Variants in PDE4D observed in about 807,000 individuals in gnomAD.
PDE4D encodes phosphodiesterase 4D.
In PDE4D, 24 loss-of-function variants were observed where a neutral mutation model predicts 87.4. The ratio of observed to expected loss-of-function variants is 0.27; its 90% confidence interval spans 0.20 to 0.39. PDE4D has a LOEUF of 0.39. Ranked by LOEUF, PDE4D falls within the 10% of genes least tolerant of loss-of-function variation. The pLI, the probability that PDE4D is intolerant of heterozygous loss-of-function variation, is 1.00. For missense variants in PDE4D, 714 were observed against 1,041.0 expected (o/e 0.69, Z 4.32); for synonymous variants, 384 against 383.2 (o/e 1.00, Z -0.02).
intron 1 of PDE4D, among the ~76,000 whole-genome samples, chr5:60,422,174 A>G (rs1743175051): frequency 6.6e-6 from 1 of 152,218 alleles, no homozygotes; most frequent in Middle Eastern, 3.2e-3. Flanking sequence ...CCAACATTCA[A>G]ATTCAGGAAA....
intron 2 of PDE4D, chr5:60,127,825 C>T (rs775095391): frequency 1.1e-5 from 5 of 437,820 alleles, no homozygotes; most frequent in East Asian, 3.4e-5. Context: ...TACAAATTGG[C>T]GAGTCCTTAG....
At chr5:59,467,036 G>A (rs1018562164) in intron 1 of PDE4D, among the ~76,000 whole-genome samples, 1 of 152,122 alleles carries the variant, frequency 6.6e-6, no homozygotes. Flanking sequence ...GTTATAAGAG[G>A]AGCTAAGGAC....
intron 5 of PDE4D, among the ~76,000 whole-genome samples, chr5:59,100,023 T>A (rs1238600471): frequency 6.6e-6 from 1 of 152,214 alleles, no homozygotes; most frequent in Non-Finnish European, 1.5e-5. Flanking sequence ...ACCCCTCATA[T>A]GAAAAAGATT....
At chr5:59,385,795 C>T (rs923918350) in intron 1 of PDE4D, among the ~76,000 whole-genome samples, 14 of 152,178 alleles carry the variant, frequency 9.2e-5, no homozygotes, top group African/African-American at 3.1e-4. Flanking sequence ...TCCTACTCTT[C>T]TTCCTGTGGT....
At chr5:59,361,598 AC>A (rs377240918) in intron 1 of PDE4D, among the ~76,000 whole-genome samples, 2 of 152,202 alleles carry the variant, frequency 1.3e-5, no homozygotes, top group African/African-American at 4.8e-5. Context: ...GCCTCCCCAT[AC>A]CAGGTGAGGT....
chr5:60,184,379 T>A (rs1033008595), intron 2 of PDE4D, among the ~76,000 whole-genome samples: 1 of 152,172 alleles, frequency 6.6e-6, no homozygotes, highest in African/African-American at 2.4e-5. Context: ...TGGTAGTTTG[T>A]ATGCAGGTCA....
At chr5:59,709,871 C>T (rs1327763739) in intron 1 of PDE4D, among the ~76,000 whole-genome samples, 1 of 152,158 alleles carries the variant, frequency 6.6e-6, no homozygotes, top group African/African-American at 2.4e-5. Context: ...AATCCCAAGT[C>T]TCCATTACTT....
At chr5:60,422,253 A>G (rs1330026088) in intron 1 of PDE4D, among the ~76,000 whole-genome samples, 4 of 152,202 alleles carry the variant, frequency 2.6e-5, no homozygotes, top group African/African-American at 9.6e-5. Flanking sequence ...CAGATTCACC[A>G]AGGTTGAAAT....
intron 1 of PDE4D, among the ~76,000 whole-genome samples, chr5:59,823,405 G>T (rs1365288644): frequency 1.3e-5 from 2 of 151,918 alleles, no homozygotes; most frequent in Non-Finnish European, 2.9e-5. Flanking sequence ...ATCTCCAACT[G>T]CCTGCAGAAT....
At chr5:60,103,437 C>T (rs1032346277) in intron 2 of PDE4D, among the ~76,000 whole-genome samples, 2 of 152,140 alleles carry the variant, frequency 1.3e-5, no homozygotes, top group East Asian at 1.9e-4. Context: ...AATTCCCATA[C>T]CAGCATTCCA....
chr5:60,378,733 A>G (rs1761621177), intron 1 of PDE4D, among the ~76,000 whole-genome samples: 1 of 152,002 alleles, frequency 6.6e-6, no homozygotes, highest in South Asian at 2.1e-4. Flanking sequence ...CCCATCTGTA[A>G]TCCCAGCTAC....
intron 1 of PDE4D, among the ~76,000 whole-genome samples, chr5:59,494,333 G>A (rs1251010185): frequency 1.3e-5 from 2 of 152,152 alleles, no homozygotes; most frequent in Non-Finnish European, 2.9e-5. Flanking sequence ...ATGGATTGCA[G>A]GTCTCAAAAA....
At chr5:59,707,287 T>C (rs1753565941) in intron 1 of PDE4D, among the ~76,000 whole-genome samples, 1 of 152,148 alleles carries the variant, frequency 6.6e-6, no homozygotes, top group Non-Finnish European at 1.5e-5. Flanking sequence ...AATTCTTTAA[T>C]GCAACAAACA....
chr5:59,741,730 C>T (rs746986255), intron 1 of PDE4D, among the ~76,000 whole-genome samples: 2 of 152,034 alleles, frequency 1.3e-5, no homozygotes, highest in Non-Finnish European at 2.9e-5. Flanking sequence ...CCTGAAATTA[C>T]GTTTTTCTAG....
chr5:60,328,369 T>C (rs1178069482), intron 1 of PDE4D, among the ~76,000 whole-genome samples: 1 of 152,208 alleles, frequency 6.6e-6, no homozygotes, highest in Non-Finnish European at 1.5e-5. Flanking sequence ...CAATATTATC[T>C]GACCAATTTT....
At chr5:59,247,139 T>C (rs943512863) in intron 1 of PDE4D, among the ~76,000 whole-genome samples, 1 of 152,292 alleles carries the variant, frequency 6.6e-6, no homozygotes, top group African/African-American at 2.4e-5. Flanking sequence ...CTAATTGAAA[T>C]AAATGCCTCT....
At chr5:59,601,003 C>A (rs1827426408) in intron 1 of PDE4D, among the ~76,000 whole-genome samples, 1 of 152,050 alleles carries the variant, frequency 6.6e-6, no homozygotes, top group Non-Finnish European at 1.5e-5. Context: ...GTGCCAAAAA[C>A]CTTTGGAAAT....
chr5:59,518,350 G>C (rs1811552725), intron 1 of PDE4D, among the ~76,000 whole-genome samples: 1 of 151,844 alleles, frequency 6.6e-6, no homozygotes, highest in Admixed American at 6.6e-5. Flanking sequence ...TTTACTGTCT[G>C]CACACTATTT....
intron 2 of PDE4D, among the ~76,000 whole-genome samples, chr5:60,062,468 G>C (rs1037390016): frequency 6.6e-6 from 1 of 152,148 alleles, no homozygotes; most frequent in East Asian, 1.9e-4. Context: ...TTGTTGGTGG[G>C]AATGTAAATT....
Sources: allele counts gnomAD v4.1 joint callset (sites outside exome capture counted in the v4.1 genomes callset), GRCh38; gene constraint gnomAD v4.1.1; transcripts MANE v1.5; gene names NCBI Gene and HGNC (gene_info 2026-07-23, HGNC 2026-07-21).